NKD1: variants seen among roughly 807,000 people sequenced by gnomAD.
NKD1 encodes the protein protein naked cuticle homolog 1.
NKD1 carries 21 observed loss-of-function variants against 56.0 expected under a neutral mutation model. The ratio of observed to expected loss-of-function variants is 0.38; its 90% CI spans 0.27 to 0.54. The LOEUF (loss-of-function observed/expected upper bound fraction) is 0.54. Among genes scored for constraint, NKD1 ranks in the 20% least tolerant of loss-of-function variants. The pLI is 0.82. For missense variants in NKD1, 578 were observed against 642.7 expected (o/e 0.90, Z 1.09); for synonymous variants, 263 against 265.7 (o/e 0.99, Z 0.10).
At chr16:50,604,073 G>A (rs543681429) in intron 3 of NKD1, among the ~76,000 whole-genome samples, 30 of 152,344 alleles carry the variant, frequency 2.0e-4, no homozygotes, top group Middle Eastern at 6.8e-3. Flanking sequence ...GAGGCCAGAG[G>A]GGAGGGGCCT....
chr16:50,594,289 G>T (rs1233857019), intron 3 of NKD1, among the ~76,000 whole-genome samples: 1 of 152,204 alleles, frequency 6.6e-6, no homozygotes, highest in Non-Finnish European at 1.5e-5. Flanking sequence ...TTGCCTTTCT[G>T]GGCTGGACTG....
intron 3 of NKD1, among the ~76,000 whole-genome samples, chr16:50,601,328 T>G (rs1247139955): frequency 1.3e-5 from 2 of 152,124 alleles, no homozygotes; most frequent in Non-Finnish European, 2.9e-5. Context: ...CCAACCTGAA[T>G]TGCTGGAAGC....
chr16:50,614,064 G>T (rs1961909315), intron 4 of NKD1, among the ~76,000 whole-genome samples: 2 of 152,286 alleles, frequency 1.3e-5, no homozygotes, highest in South Asian at 4.1e-4. Flanking sequence ...TGGTGGAGAA[G>T]AAGTCCCTGG....
chr16:50,563,915 G>A (rs1960700259), intron 3 of NKD1, among the ~76,000 whole-genome samples: 1 of 148,816 alleles, frequency 6.7e-6, no homozygotes, highest in Non-Finnish European at 1.5e-5. Context: ...GATGCATGGA[G>A]AAGACCCTGT....
At chr16:50,627,518 T>A (rs1172367210) in intron 6 of NKD1, among the ~76,000 whole-genome samples, 1 of 152,042 alleles carries the variant, frequency 6.6e-6, no homozygotes, top group African/African-American at 2.4e-5. Context: ...GGAGGACTGG[T>A]CTGGTGTTTC....
chr16:50,628,388 G>T (rs1786433034), intron 6 of NKD1, among the ~76,000 whole-genome samples: 1 of 152,222 alleles, frequency 6.6e-6, no homozygotes, highest in Non-Finnish European at 1.5e-5. Flanking sequence ...CTGCGCTGGG[G>T]TTGCCTCAGC....
intron 3 of NKD1, among the ~76,000 whole-genome samples, chr16:50,570,650 A>G (rs943745498): frequency 6.6e-6 from 1 of 152,296 alleles, no homozygotes; most frequent in Admixed American, 6.5e-5. Flanking sequence ...TGCCTGTGAA[A>G]CACTTAGCTC....
At chr16:50,608,477 C>G in intron 4 of NKD1, 117 bp downstream of exon 4, 12 of 586,664 alleles carry the variant, frequency 2.0e-5, no homozygotes, top group East Asian at 7.5e-5. Context: ...CAACAGGGAC[C>G]TTGTGACTCT....
intron 4 of NKD1, among the ~76,000 whole-genome samples, chr16:50,621,349 T>C (rs948662792): frequency 2.0e-5 from 3 of 152,150 alleles, no homozygotes; most frequent in African/African-American, 7.2e-5. Context: ...AGGGCAGAAG[T>C]CATAGGCTGG....
At chr16:50,629,380 G>A (rs1043420616) in intron 6 of NKD1, among the ~76,000 whole-genome samples, 2 of 152,200 alleles carry the variant, frequency 1.3e-5, no homozygotes, top group African/African-American at 4.8e-5. Context: ...TCAACCTGTG[G>A]ATTTGCAAGT....
At chr16:50,561,438 T>A (rs1319991247) in intron 3 of NKD1, among the ~76,000 whole-genome samples, 3 of 151,402 alleles carry the variant, frequency 2.0e-5, no homozygotes, top group African/African-American at 4.9e-5. Context: ...GATCACTTTG[T>A]GACTTGCTTA....
chr16:50,586,837 T>C lies in NKD1; in HGVS notation c.193-21457T>C, dbSNP rs548417352. Among the ~76,000 whole-genome samples the C allele has an allele frequency of 6.6e-5, 10 of 152,338 alleles. No homozygotes were observed. In the East Asian group the frequency reaches 1.9e-3, roughly 29 times the overall value. ...TCCTTTGTTGGACAACTCTAGCTCC[T>C]GGAATGATAGAGAATTTGGGCCTTA... is the stretch of plus-strand genomic sequence containing the variant. On this transcript the variant is annotated intron_variant, in intron 3 of 9. Coordinates refer to ENST00000268459, the MANE Select transcript of NKD1 (RefSeq NM_033119.5).
rs576450571 is a variant in NKD1 at position 50,574,797 on chromosome 16, A to C, written c.192+25242A>C. 110 of 985,448 alleles carry C rather than the reference A, an allele frequency of 1.1e-4. 1 individual carries two copies. The African/African-American group carries it at 1.8e-3, about 16-fold the overall frequency. 61.0% of individuals were successfully genotyped at this position (985,448 alleles called of 1,614,324 possible). Reference sequence around the variant, plus strand: ...TGAGCCCTGTAAAAATAAAAAGTTAAAAGACCCTAAAGTTTGAACAGTAAA... The same window carrying C: ...TGAGCCCTGTAAAAATAAAAAGTTACAAGACCCTAAAGTTTGAACAGTAAA... On this transcript the variant is annotated intron_variant, in intron 3 of 9. Coordinates refer to ENST00000268459, the MANE Select transcript of NKD1 (RefSeq NM_033119.5).
At chr16:50,616,394 G>A (rs1407601350) in intron 4 of NKD1, among the ~76,000 whole-genome samples, 3 of 152,164 alleles carry the variant, frequency 2.0e-5, no homozygotes, top group Non-Finnish European at 4.4e-5. Context: ...GTTAAGATAA[G>A]CTGGCATTTA....
At chr16:50,621,398 C>T (rs1018237643) in intron 4 of NKD1, among the ~76,000 whole-genome samples, 1 of 152,236 alleles carries the variant, frequency 6.6e-6, no homozygotes, top group Non-Finnish European at 1.5e-5. Flanking sequence ...CAAGTGGGTG[C>T]ACCATGTTGG....
intron 3 of NKD1, among the ~76,000 whole-genome samples, chr16:50,593,467 T>C (rs4785220): frequency 0.77 from 116,514 of 152,106 alleles, 45,429 homozygotes; most frequent in African/African-American, 0.92. Flanking sequence ...GTGCTCTCAG[T>C]AGGGTCAGGC....
chr16:50,583,626 T>C (rs896866668), intron 3 of NKD1, among the ~76,000 whole-genome samples: 1 of 152,220 alleles, frequency 6.6e-6, no homozygotes, highest in African/African-American at 2.4e-5. Flanking sequence ...AGGAGCGGTT[T>C]TTTTTACACA....
rs895839005 is a variant in NKD1, at chr16:50,623,535, C to T, written c.366+1827C>T. ...TCCTGCCTCCCTGGAAGCCCAAGTG[C>T]GCTTGCTTCTGGAGGGGCAGACTTG... On this transcript the variant is annotated intron_variant, in intron 5 of 9. Coordinates refer to ENST00000268459, the MANE Select transcript of NKD1 (RefSeq NM_033119.5). The surrounding 1 kb of genome is among the most constrained non-coding windows in gnomAD (Gnocchi z 4.1). Among the ~76,000 whole-genome samples, 12 of 152,106 alleles carry T rather than the reference C, an allele frequency of 7.9e-5. No individual in the cohort carries two copies. Among genetic ancestry groups the T allele is most frequent in the East Asian group, 1.9e-4 (1 of 5,162 alleles).
rs976215606 is a variant in NKD1 at position 50,616,603 on chromosome 16, C to T, written c.260-4999C>T. ...CTGTGCACGTATGGGAAGTGCTAGG[C>T]ATTGGGCAACCCGGGAGCAGAAGCC... On this transcript the variant is annotated intron_variant, in intron 4 of 9. Transcript: ENST00000268459. Among the ~76,000 whole-genome samples, 4 of 152,182 alleles carry T rather than the reference C, an allele frequency of 2.6e-5. No individual in the cohort carries two copies. In the East Asian group the frequency reaches 7.7e-4, roughly 29 times the overall value.
Sources: gnomAD v4.1 joint callset for allele counts (sites outside exome capture counted in the v4.1 genomes callset) on GRCh38, gnomAD v4.1.1 for gene constraint, Gnocchi (gnomAD v3.1) non-coding constraint, MANE v1.5 for transcripts, NCBI Gene and HGNC (gene_info 2026-07-23, HGNC 2026-07-21) for gene names.